The following TFDP1 variants were observed in gnomAD, a reference collection of about 807,000 sequenced individuals.
TFDP1 encodes DRTF1-polypeptide 1.
Under a neutral mutation model 48.0 loss-of-function variants are expected in TFDP1, and 6 were observed. The ratio of observed to expected loss-of-function variants is 0.13; its 90% CI spans 0.07 to 0.25. The LOEUF (loss-of-function observed/expected upper bound fraction) is 0.25. TFDP1 is among the 10% of genes least tolerant of loss of function. TFDP1 has a pLI of 1.00. For synonymous variants in TFDP1, 201 were observed against 211.6 expected (o/e 0.95, Z 0.44); for missense variants, 335 against 543.0 (o/e 0.62, Z 3.81).
At chr13:113,610,497 A>G (rs2048683614) in intron 2 of TFDP1, among the ~76,000 whole-genome samples, 1 of 143,432 alleles carries the variant, frequency 7.0e-6, no homozygotes, top group African/African-American at 2.7e-5. Flanking sequence ...TTGTGCCATC[A>G]CGTGTGCCCC....
At chr13:113,596,256 G>A (rs1420619493) in intron 2 of TFDP1, among the ~76,000 whole-genome samples, 2 of 152,238 alleles carry the variant, frequency 1.3e-5, no homozygotes, top group Non-Finnish European at 2.9e-5. Context: ...GGAGATGACC[G>A]TGGTGGGAGT....
At chr13:113,604,175 A>AAG (rs1283817230) in intron 2 of TFDP1, among the ~76,000 whole-genome samples, 22 of 151,630 alleles carry the variant, frequency 1.5e-4, no homozygotes, top group Non-Finnish European at 3.1e-4. Context: ...AAAAAAAAAA[A>AAG]AAAGGCAAAT....
chr13:113,625,546 C>T lies in TFDP1; in HGVS notation c.186+2260C>T, dbSNP rs559810312. ...TCAGGTGTTTCTCAGGTGTCTCTCA[C>T]GTGTCCTCAGGTGTCTCTCACGTGT... On this transcript the variant is annotated intron_variant, in intron 4 of 11. Coordinates refer to ENST00000375370, the MANE Select transcript of TFDP1 (RefSeq NM_007111.5). 3.7e-5 allele frequency among the ~76,000 whole-genome samples: 4 copies of T among 107,854 alleles called. No homozygotes were observed. The South Asian group carries it at 1.3e-3, about 35-fold the overall frequency. 70.8% of individuals were successfully genotyped at this position (107,854 alleles called of 152,430 possible).
At chr13:113,611,365 A>G (rs1424129586) in intron 3 of TFDP1, among the ~76,000 whole-genome samples, 2 of 152,248 alleles carry the variant, frequency 1.3e-5, no homozygotes, top group Non-Finnish European at 2.9e-5. Flanking sequence ...CTCCACCCAA[A>G]GATAATGACG....
intron 5 of TFDP1, chr13:113,632,043 A>C: frequency 2.5e-6 from 1 of 394,294 alleles, no homozygotes. Context: ...CTGGCCTCGT[A>C]CTCGCCACAG....
At chr13:113,636,904 G>T (rs1356549079) in intron 10 of TFDP1, among the ~76,000 whole-genome samples, 1 of 152,220 alleles carries the variant, frequency 6.6e-6, no homozygotes, top group African/African-American at 2.4e-5. Flanking sequence ...GTGACCCACT[G>T]GATATGGGGG....
chr13:113,634,432 G>T, intron 7 of TFDP1, 102 bp from the exon 8 acceptor site: 1 of 957,896 alleles, frequency 1.0e-6, no homozygotes, highest in Non-Finnish European at 1.6e-6. Flanking sequence ...TACATTCTGG[G>T]TAAACATAGG....
intron 3 of TFDP1, among the ~76,000 whole-genome samples, chr13:113,613,837 T>C (rs1032285143): frequency 1.3e-4 from 20 of 151,824 alleles, no homozygotes; most frequent in Non-Finnish European, 1.9e-4. Flanking sequence ...GTTGCATATG[T>C]GTTGAGTGTG....
intron 7 of TFDP1, 138 bp from the exon 8 acceptor site, chr13:113,634,395 GT>G: frequency 1.4e-6 from 1 of 736,744 alleles, no homozygotes; most frequent in Admixed American, 2.6e-5. Context: ...CACCTGCTAT[GT>G]CTAGATTTGT....
chr13:113,610,621 C>T (rs749895360), intron 2 of TFDP1, among the ~76,000 whole-genome samples: 8 of 151,678 alleles, frequency 5.3e-5, no homozygotes, highest in Non-Finnish European at 1.0e-4. Context: ...GTGGCTGTGC[C>T]GTCACACGTG....
chr13:113,613,448 G>A (rs989786240), intron 3 of TFDP1, among the ~76,000 whole-genome samples: 7 of 152,188 alleles, frequency 4.6e-5, no homozygotes, highest in African/African-American at 1.4e-4. Flanking sequence ...GTTCACTTCC[G>A]GTGTTCGTTC....
chr13:113,634,880 TGTGCATGTGTGTGC>T (rs1227426955), intron 8 of TFDP1, among the ~76,000 whole-genome samples: 1 of 151,746 alleles, frequency 6.6e-6, no homozygotes, highest in East Asian at 1.9e-4. Flanking sequence ...CCTGTGTGCG[TGTGCATGTGTGTGC>T]GTGCATGTGC....
At chr13:113,632,714 G>A (rs1192132471) in intron 5 of TFDP1, among the ~76,000 whole-genome samples, 1 of 152,214 alleles carries the variant, frequency 6.6e-6, no homozygotes, top group Non-Finnish European at 1.5e-5. Context: ...GGAGGTGGAG[G>A]TTGCAGTGAG....
chr13:113,633,021 T>G lies in TFDP1; in HGVS notation c.309-99T>G. 6.7e-7 allele frequency: 1 copy of G among 1,483,666 alleles called. No homozygotes were observed. The highest frequency in any genetic ancestry group is 9.2e-7 in the Non-Finnish European group (1 of 1,090,952). The allele number at this position is 1,483,666 out of a possible 1,614,324, so 91.9% of individuals were successfully genotyped here. ...GCGCCCGTGGGACGTGGCCCCTTTT[T>G]GTGCAGCTCATTAGAGCTCTCAGGT... On this transcript the variant is annotated intron_variant, in intron 5 of 11. Coordinates refer to ENST00000375370, the MANE Select transcript of TFDP1 (RefSeq NM_007111.5). This position sits in a 1 kb window ranked among gnomAD's most constrained non-coding sequence, Gnocchi z 4.5.
chr13:113,637,744 A>C (rs777503039), intron 10 of TFDP1, 74 bp from the exon 11 acceptor site: 301 of 1,613,382 alleles, frequency 1.9e-4, no homozygotes, highest in Non-Finnish European at 2.5e-4. Context: ...ACTGCGCGTC[A>C]TTTTGTTGGT....
At chr13:113,595,513 G>A (rs1381829705) in intron 2 of TFDP1, among the ~76,000 whole-genome samples, 7 of 152,080 alleles carry the variant, frequency 4.6e-5, no homozygotes, top group Non-Finnish European at 1.0e-4. Flanking sequence ...CAGGAAAGGC[G>A]GTGGAGTTAG....
chr13:113,603,445 G>C (rs182336128), intron 2 of TFDP1, among the ~76,000 whole-genome samples: 265 of 152,364 alleles, frequency 1.7e-3, no homozygotes, highest in Non-Finnish European at 2.5e-3. Flanking sequence ...GTGTTTTAAA[G>C]ATGACGGCAG....
chr13:113,624,073 G>C (rs1275439779), intron 4 of TFDP1, among the ~76,000 whole-genome samples: 2 of 152,240 alleles, frequency 1.3e-5, no homozygotes, highest in East Asian at 3.9e-4. Context: ...TATGGTGCCT[G>C]AGGGCTCCTT....
At position 113,626,496 on chromosome 13, in the gene TFDP1, C is replaced by T. The variant is rs138913603; in HGVS notation, c.186+3210C>T. On this transcript the variant is annotated intron_variant, in intron 4 of 11. Coordinates refer to ENST00000375370, the MANE Select transcript of TFDP1 (RefSeq NM_007111.5). ...TGCCTTCCCCGCGCTCCCTTCCCCG[C>T]GTCCCACTTCCCTGCGCCCCGCTTC... Among the ~76,000 whole-genome samples the T allele has an allele frequency of 9.9e-3, 1,512 of 152,090 alleles. 12 individuals carry two copies. Among genetic ancestry groups the T allele is most frequent in the Middle Eastern group, 0.034 (10 of 294 alleles).
Sources: gnomAD v4.1 joint callset for allele counts (sites outside exome capture counted in the v4.1 genomes callset) on GRCh38, gnomAD v4.1.1 for gene constraint, Gnocchi (gnomAD v3.1) non-coding constraint, MANE v1.5 for transcripts, NCBI Gene and HGNC (gene_info 2026-07-23, HGNC 2026-07-21) for gene names.